ADO: variants seen among roughly 807,000 people sequenced by gnomAD.
ADO encodes the protein 2-aminoethanethiol dioxygenase.
In ADO, 9 loss-of-function variants were observed where a neutral mutation model predicts 16.6. The ratio of observed to expected loss-of-function variants is 0.54; its 90% CI spans 0.33 to 0.95. ADO has a LOEUF of 0.95. ADO is among the 40% of genes least tolerant of loss of function. ADO has a pLI of 0.03. For missense variants in ADO, 356 were observed against 386.4 expected (o/e 0.92, Z 0.66); for synonymous variants, 189 against 179.6 (o/e 1.05, Z -0.42).
rs1480795899 is a variant in ADO at position 62,807,511 on chromosome 10, T to C, written c.*1639T>C. On this transcript the variant is annotated 3_prime_UTR_variant, in exon 1 of 1. Transcript: ENST00000373783. The stretch of plus-strand genomic sequence containing the variant: ...GAGACCCAGGGTGAGGGAGTATTTG[T>C]TCCCAGTTTTTAAGATAGTATAAAA... 1 of 167,170 alleles carries C rather than the reference T, an allele frequency of 6.0e-6. No individual in the cohort carries two copies. Among genetic ancestry groups the C allele is most frequent in the Non-Finnish European group, 1.5e-5 (1 of 68,116 alleles). The allele number at this position is 167,170 out of a possible 1,614,324, so 10.4% of individuals were successfully genotyped here.
rs1450737168 is a variant in ADO at position 62,805,682 on chromosome 10, T to C, written c.623T>C (p.Leu208Pro). 1 of 1,610,790 alleles carries C rather than the reference T, an allele frequency of 6.2e-7. No individual in the cohort carries two copies. The highest frequency in any genetic ancestry group is 1.3e-5 in the African/African-American group (1 of 74,880). ...GGGCCTGCCGCCTTCCTGGACATCC[T>C]GGCCCCGCCCTACGACCCGGACGAT... is the stretch of plus-strand genomic sequence containing the variant. ...VEGPAAFLDI[L>P]APPYDPDDGR... The change falls in exon 1 of 1, where the codon CTG (leucine) becomes CCG (proline). Residue 208 changes from leucine to proline, a missense_variant. Leu to Pro is a moderately conservative substitution (Grantham distance 98). Coordinates refer to ENST00000373783, the MANE Select transcript of ADO (RefSeq NM_032804.6). The surrounding 1 kb of genome is among the most constrained non-coding windows in gnomAD (Gnocchi z 6.4).
In ADO at chr10:62,804,985, G is replaced by A. The variant is rs1842033122; in HGVS notation, c.-75G>A. ...GCCTCGACCCGGGCTGGGGGCAGCC[G>A]TGGCGGCCGCCGGGGACCGCAAGGG... On this transcript the variant is annotated 5_prime_UTR_variant, in exon 1 of 1. In the 5' UTR this introduces an upstream ATG that the reference lacks. Transcript: ENST00000373783. 1 of 1,325,394 alleles carries A rather than the reference G, an allele frequency of 7.5e-7. No homozygotes were observed. Among genetic ancestry groups the A allele is most frequent in the East Asian group, 3.1e-5 (1 of 31,962 alleles). The allele number at this position is 1,325,394 out of a possible 1,614,324, so 82.1% of individuals were successfully genotyped here. A position where few individuals can be genotyped will look rare whatever the true frequency, so the allele number is the denominator to read the frequency against.
In ADO at chr10:62,805,120, T is replaced by C; in HGVS notation, c.61T>C (p.Phe21Leu). ...QRIARQACLT[F>L]RGSGGGRGAS... The stretch of plus-strand genomic sequence containing the variant: ...GATCGCCCGCCAGGCTTGCCTCACC[T>C]TCCGGGGCAGCGGGGGCGGCCGCGG... The change falls in exon 1 of 1, where the codon TTC (phenylalanine) becomes CTC (leucine). Residue 21 changes from phenylalanine (F) to leucine (L), a missense_variant. Phe to Leu is a conservative substitution (Grantham distance 22). Transcript: ENST00000373783. This position sits in a 1 kb window ranked among gnomAD's most constrained non-coding sequence, Gnocchi z 6.4. 4 of 1,556,426 alleles carry C rather than the reference T, an allele frequency of 2.6e-6. No individual in the cohort carries two copies. The highest frequency in any genetic ancestry group is 3.5e-6 in the Non-Finnish European group (4 of 1,157,240).
Position 62,805,206 on chromosome 10 carries a change from G to A in ADO, c.147G>A (p.Glu49=). 6.2e-7 allele frequency: 1 copy of A among 1,602,694 alleles called. No individual in the cohort carries two copies. Among genetic ancestry groups the A allele is most frequent in the African/African-American group, 1.3e-5 (1 of 74,364 alleles). The change falls in exon 1 of 1, where the codon GAG becomes GAA. Residue 49 remains glutamate (E), a synonymous_variant. Transcript: ENST00000373783. The surrounding 1 kb of genome is among the most constrained non-coding windows in gnomAD (Gnocchi z 6.4). Reference sequence around the variant, plus strand: ...CGCCGATGCAGCCGGGCTTCCCCGAGAACCTGAGCAAGCTGAAGAGCCTCC... The same window carrying A: ...CGCCGATGCAGCCGGGCTTCCCCGAAAACCTGAGCAAGCTGAAGAGCCTCC... The part of the protein sequence containing the change: ...PEAPMQPGFP[E]NLSKLKSLLT...
rs906072898 is a variant in ADO at position 62,804,841 on chromosome 10, G to A, written c.-219G>A. Reference sequence around the variant, plus strand: ...GGAGCGTGAGTGCGGGGTGTGGGGCGTGCGCGTGCGCGCTCAGAGGGGGCT... The same window carrying A: ...GGAGCGTGAGTGCGGGGTGTGGGGCATGCGCGTGCGCGCTCAGAGGGGGCT... On this transcript the variant is annotated 5_prime_UTR_variant, in exon 1 of 1. It adds an upstream start codon to the 5' untranslated region. Transcript: ENST00000373783. 1 of 303,462 alleles carries A rather than the reference G, an allele frequency of 3.3e-6. No homozygotes were observed. Among genetic ancestry groups the A allele is most frequent in the Non-Finnish European group, 5.9e-6 (1 of 170,030 alleles). The allele number at this position is 303,462 out of a possible 1,614,324, so 18.8% of individuals were successfully genotyped here.
Position 62,805,493 on chromosome 10 carries a change from G to A in ADO, c.434G>A (p.Arg145Gln), listed in dbSNP as rs1175103567. 1.3e-6 allele frequency: 2 copies of A among 1,537,650 alleles called. No individual in the cohort carries two copies. Among genetic ancestry groups the A allele is most frequent in the Admixed American group, 2.0e-5 (1 of 50,476 alleles). Residue 145 changes from arginine (R) to glutamine (Q), a missense_variant, in exon 1 of 1, where the codon CGG becomes CAG. Physicochemically the swap from Arg to Gln is conservative, Grantham distance 43 (BLOSUM62 1). Transcript: ENST00000373783. The surrounding 1 kb of genome is among the most constrained non-coding windows in gnomAD (Gnocchi z 6.4). ...GACGCGGGCGGCGGGCAACGGCCGC[G>A]GGCCTTGCCGCCCGAGCAGCAGTTC... ...KLDAGGGQRPRALPPEQQFEP... is the reference protein window; with the variant it reads ...KLDAGGGQRPQALPPEQQFEP...
rs552464454 is a variant in ADO at position 62,808,014 on chromosome 10, T to G, written c.*2142T>G. 1 of 167,172 alleles carries G rather than the reference T, an allele frequency of 6.0e-6. No individual in the cohort carries two copies. The highest frequency in any genetic ancestry group is 2.1e-4 in the South Asian group (1 of 4,828). The allele number at this position is 167,172 out of a possible 1,614,324, so 10.4% of individuals were successfully genotyped here. ...TAAAGGAAGAATTATGACTTCATTATGAAAAAAAGAAGTTTTAAAGTTTTC... is the reference window on the plus strand; with the variant it reads ...TAAAGGAAGAATTATGACTTCATTAGGAAAAAAAGAAGTTTTAAAGTTTTC... On this transcript the variant is annotated 3_prime_UTR_variant, in exon 1 of 1. Coordinates refer to ENST00000373783, the MANE Select transcript of ADO (RefSeq NM_032804.6).
In ADO at chr10:62,808,046, G is replaced by A. The variant is rs946817973; in HGVS notation, c.*2174G>A. The A allele has an allele frequency of 1.8e-5, 3 of 167,050 alleles. No individual in the cohort carries two copies. Among genetic ancestry groups the A allele is most frequent in the Non-Finnish European group, 4.4e-5 (3 of 68,098 alleles). The allele number at this position is 167,050 out of a possible 1,614,324, so 10.3% of individuals were successfully genotyped here. ...AAGAAGTTTTAAAGTTTTCAATTAC[G>A]AGCAATTTGGAAGAAAAAACCTAAG... On this transcript the variant is annotated 3_prime_UTR_variant, in exon 1 of 1. Coordinates refer to ENST00000373783, the MANE Select transcript of ADO (RefSeq NM_032804.6).
chr10:62,805,752 C>G lies in ADO; in HGVS notation c.693C>G (p.Pro231=). Residue 231 remains proline, a synonymous_variant, in exon 1 of 1, where the codon CCC becomes CCG. Coordinates refer to ENST00000373783, the MANE Select transcript of ADO (RefSeq NM_032804.6). The surrounding 1 kb of genome is among the most constrained non-coding windows in gnomAD (Gnocchi z 6.4). The part of the protein sequence containing the change: ...HYYRVLEPVR[P]KEASSSACDL... ...ACCGGGTGCTGGAGCCGGTCAGGCC[C>G]AAGGAGGCCTCCAGCTCGGCCTGTG... The G allele has an allele frequency of 1.2e-6, 2 of 1,607,956 alleles. No individual in the cohort carries two copies. Among genetic ancestry groups the G allele is most frequent in the East Asian group, 4.5e-5 (2 of 44,646 alleles).
At position 62,805,542 on chromosome 10, in the gene ADO, G is replaced by A. The variant is rs1842042199; in HGVS notation, c.483G>A (p.Glu161=). The stretch of plus-strand genomic sequence containing the variant: ...TCGAGCCGCCGCTGCAGCCCCGGGA[G>A]CGAGAAGCCGTGCGGCCGGGCGTGC... ...QQFEPPLQPR[E]REAVRPGVLR... is the part of the protein sequence containing the mutation. Residue 161 remains glutamate (E), a synonymous_variant, in exon 1 of 1, where the codon GAG becomes GAA. Transcript: ENST00000373783. The surrounding 1 kb of genome is among the most constrained non-coding windows in gnomAD (Gnocchi z 6.4). 6.5e-7 allele frequency: 1 copy of A among 1,549,404 alleles called. No individual in the cohort carries two copies. Among genetic ancestry groups the A allele is most frequent in the Admixed American group, 2.0e-5 (1 of 51,132 alleles).
Position 62,806,439 on chromosome 10 carries a change from G to C in ADO, c.*567G>C, listed in dbSNP as rs553248530. ...TTGTGAAAACTAAATGATTTTTTCAGTTTGGGGATCATTCTCACAACATAA... is the reference window on the plus strand; with the variant it reads ...TTGTGAAAACTAAATGATTTTTTCACTTTGGGGATCATTCTCACAACATAA... On this transcript the variant is annotated 3_prime_UTR_variant, in exon 1 of 1. Transcript: ENST00000373783. The C allele has an allele frequency of 6.0e-6, 1 of 167,210 alleles. No homozygotes were observed. The highest frequency in any genetic ancestry group is 2.4e-5 in the African/African-American group (1 of 41,436). The allele number at this position is 167,210 out of a possible 1,614,324, so 10.4% of individuals were successfully genotyped here. A position where few individuals can be genotyped will look rare whatever the true frequency, so the allele number is the denominator to read the frequency against.
rs943259243 is a variant in ADO at position 62,804,790 on chromosome 10, C to T, written c.-270C>T. Reference sequence around the variant, plus strand: ...CCGGGCGTAAGGCAAAGCCTGGCACCGTCTGCGCGGCCGCTATCTGCTCCC... The same window carrying T: ...CCGGGCGTAAGGCAAAGCCTGGCACTGTCTGCGCGGCCGCTATCTGCTCCC... On this transcript the variant is annotated 5_prime_UTR_variant, in exon 1 of 1. Transcript: ENST00000373783. The T allele has an allele frequency of 1.8e-4, 45 of 246,760 alleles. 1 individual carries two copies. The South Asian group carries it at 3.5e-3, about 19-fold the overall frequency. 15.3% of individuals were successfully genotyped at this position (246,760 alleles called of 1,614,324 possible).
At position 62,804,810 on chromosome 10, in the gene ADO, G is replaced by C. The variant is rs891899380; in HGVS notation, c.-250G>C. ...GGCACCGTCTGCGCGGCCGCTATCTGCTCCCGGAGCGTGAGTGCGGGGTGT... is the reference window on the plus strand; with the variant it reads ...GGCACCGTCTGCGCGGCCGCTATCTCCTCCCGGAGCGTGAGTGCGGGGTGT... On this transcript the variant is annotated 5_prime_UTR_variant, in exon 1 of 1. Transcript: ENST00000373783. The C allele has an allele frequency of 1.3e-4, 35 of 266,894 alleles. No homozygotes were observed. The East Asian group carries it at 2.4e-3, about 18-fold the overall frequency. 16.5% of individuals were successfully genotyped at this position (266,894 alleles called of 1,614,324 possible).
In ADO at chr10:62,804,924, C is replaced by G. The variant is rs1273025287; in HGVS notation, c.-136C>G. The G allele has an allele frequency of 1.2e-6, 1 of 822,430 alleles. No homozygotes were observed. The highest frequency in any genetic ancestry group is 4.5e-5 in the Admixed American group (1 of 22,344). 50.9% of individuals were successfully genotyped at this position (822,430 alleles called of 1,614,324 possible). On this transcript the variant is annotated 5_prime_UTR_variant, in exon 1 of 1. Coordinates refer to ENST00000373783, the MANE Select transcript of ADO (RefSeq NM_032804.6). ...TGGCTGCTGAGGTTGGCGGCGGTGC[C>G]GCGCGCCCGACGGGCCGGTGGTTGC...
chr10:62,805,502 C>A lies in ADO; in HGVS notation c.443C>A (p.Pro148Gln), dbSNP rs943836969. Residue 148 changes from proline to glutamine, a missense_variant, in exon 1 of 1, where the codon CCG (proline) becomes CAG (glutamine). By Grantham distance (76) the Pro-to-Gln change is moderately conservative. Transcript: ENST00000373783. The surrounding 1 kb of genome is among the most constrained non-coding windows in gnomAD (Gnocchi z 6.4). Reference sequence around the variant, plus strand: ...GGCGGGCAACGGCCGCGGGCCTTGCCGCCCGAGCAGCAGTTCGAGCCGCCG... The same window carrying A: ...GGCGGGCAACGGCCGCGGGCCTTGCAGCCCGAGCAGCAGTTCGAGCCGCCG... The part of the protein sequence containing the change: ...AGGGQRPRAL[P>Q]PEQQFEPPLQ... The A allele has an allele frequency of 3.3e-6, 5 of 1,537,736 alleles. No homozygotes were observed. In the African/African-American group the frequency reaches 5.6e-5, roughly 17 times the overall value.
Position 62,804,790 on chromosome 10 carries a change from C to G in ADO, c.-270C>G, listed in dbSNP as rs943259243. ...CCGGGCGTAAGGCAAAGCCTGGCACCGTCTGCGCGGCCGCTATCTGCTCCC... is the reference window on the plus strand; with the variant it reads ...CCGGGCGTAAGGCAAAGCCTGGCACGGTCTGCGCGGCCGCTATCTGCTCCC... On this transcript the variant is annotated 5_prime_UTR_variant, in exon 1 of 1. Coordinates refer to ENST00000373783, the MANE Select transcript of ADO (RefSeq NM_032804.6). 2.4e-5 allele frequency: 6 copies of G among 246,760 alleles called. No individual in the cohort carries two copies. Among genetic ancestry groups the G allele is most frequent in the Admixed American group, 2.2e-4 (4 of 18,002 alleles). 15.3% of individuals were successfully genotyped at this position (246,760 alleles called of 1,614,324 possible). A position where few individuals can be genotyped will look rare whatever the true frequency, so the allele number is the denominator to read the frequency against.
At position 62,805,623 on chromosome 10, in the gene ADO, C is replaced by T. The variant is rs757375414; in HGVS notation, c.564C>T (p.His188=). The T allele has an allele frequency of 1.2e-6, 2 of 1,605,434 alleles. No homozygotes were observed. Among genetic ancestry groups the T allele is most frequent in the Middle Eastern group, 1.6e-4 (1 of 6,066 alleles). Residue 188 remains histidine, a synonymous_variant, in exon 1 of 1, where the codon CAC becomes CAT. Coordinates refer to ENST00000373783, the MANE Select transcript of ADO (RefSeq NM_032804.6). The surrounding 1 kb of genome is among the most constrained non-coding windows in gnomAD (Gnocchi z 6.4). ...EASGPCILTP[H]RDNLHQIDAV... ...GCGGCCCCTGCATCCTCACACCGCA[C>T]CGGGACAACCTGCACCAGATCGACG...
chr10:62,804,936 G>T lies in ADO; in HGVS notation c.-124G>T. On this transcript the variant is annotated 5_prime_UTR_variant, in exon 1 of 1. Coordinates refer to ENST00000373783, the MANE Select transcript of ADO (RefSeq NM_032804.6). ...TTGGCGGCGGTGCCGCGCGCCCGAC[G>T]GGCCGGTGGTTGCGGGGCCTCCCGC... 1 of 921,896 alleles carries T rather than the reference G, an allele frequency of 1.1e-6. No individual in the cohort carries two copies. The highest frequency in any genetic ancestry group is 1.7e-5 in the African/African-American group (1 of 57,850). 57.1% of individuals were successfully genotyped at this position (921,896 alleles called of 1,614,324 possible). A position where few individuals can be genotyped will look rare whatever the true frequency, so the allele number is the denominator to read the frequency against.
Position 62,807,199 on chromosome 10 carries a change from C to G in ADO, c.*1327C>G, listed in dbSNP as rs896987361. The stretch of plus-strand genomic sequence containing the variant: ...GCTTTTAATAGTCCGAGCAGTCTTA[C>G]CTTGTTTACACATGTATTGACACCA... On this transcript the variant is annotated 3_prime_UTR_variant, in exon 1 of 1. Coordinates refer to ENST00000373783, the MANE Select transcript of ADO (RefSeq NM_032804.6). The G allele has an allele frequency of 6.0e-6, 1 of 167,238 alleles. No individual in the cohort carries two copies. Among genetic ancestry groups the G allele is most frequent in the Non-Finnish European group, 1.5e-5 (1 of 68,124 alleles). The allele number at this position is 167,238 out of a possible 1,614,324, so 10.4% of individuals were successfully genotyped here.
Sources: allele counts gnomAD v4.1 joint callset, GRCh38; gene constraint gnomAD v4.1.1; non-coding constraint Gnocchi (gnomAD v3.1); transcripts MANE v1.5; gene names NCBI Gene and HGNC (gene_info 2026-07-23, HGNC 2026-07-21).